KAZN: variants seen among roughly 807,000 people sequenced by gnomAD.
The protein encoded by KAZN is kazrin.
A neutral mutation model predicts 87.4 loss-of-function variants in KAZN; 40 were observed. That is an observed-to-expected ratio of 0.46 (90% CI 0.36 to 0.60). The LOEUF (loss-of-function observed/expected upper bound fraction) is 0.60. Among genes scored for constraint, KAZN ranks in the 20% least tolerant of loss-of-function variants. The pLI is 0.00. For synonymous variants in KAZN, 466 were observed against 458.3 expected, an observed-to-expected ratio of 1.02 and a Z score of -0.22; for missense variants, 898 against 1,073.9, an observed-to-expected ratio of 0.84 and a Z score of 2.29.
intron 1 of KAZN, among the ~76,000 whole-genome samples, chr1:14,755,344 C>T (rs756751765): frequency 1.2e-4 from 18 of 152,144 alleles, no homozygotes; most frequent in Non-Finnish European, 2.5e-4. Context: ...CCCTTTGCTG[C>T]CCCTGACCCC....
chr1:14,203,994 A>G (rs1271634205), intron 2 of KAZN, among the ~76,000 whole-genome samples: 1 of 152,242 alleles, frequency 6.6e-6, no homozygotes, highest in East Asian at 1.9e-4. Context: ...AGAGTGGAAT[A>G]GAAATCACAT....
At chr1:14,327,813 G>A (rs1214737736) in intron 2 of KAZN, among the ~76,000 whole-genome samples, 1 of 152,186 alleles carries the variant, frequency 6.6e-6, no homozygotes, top group African/African-American at 2.4e-5. Context: ...AAATTCACAG[G>A]TGGCTGAGGG....
intron 2 of KAZN, among the ~76,000 whole-genome samples, chr1:14,289,912 A>G (rs1653548034): frequency 6.6e-6 from 1 of 152,172 alleles, no homozygotes; most frequent in Admixed American, 6.5e-5. Flanking sequence ...TTTGTAAAGC[A>G]TTTTATTTCT....
At chr1:13,960,370 C>T (rs185498318) in intron 1 of KAZN, among the ~76,000 whole-genome samples, 3 of 152,218 alleles carry the variant, frequency 2.0e-5, no homozygotes, top group Non-Finnish European at 1.5e-5. Context: ...ACTTTAGAGC[C>T]GATCGTTTGA....
chr1:14,943,008 GTGTGTGTGTGTGTGTGTGTGTGT>G (rs1661288158), intron 1 of KAZN, among the ~76,000 whole-genome samples: 1 of 62,202 alleles, frequency 1.6e-5, no homozygotes, highest in South Asian at 6.3e-4. Flanking sequence ...TGTGTGTGTG[GTGTGTGTGTGTGTGTGTGTGTGT>G]GTGTGTGTGT....
At chr1:14,539,796 C>A in intron 2 of KAZN, among the ~76,000 whole-genome samples, 1 of 151,836 alleles carries the variant, frequency 6.6e-6, no homozygotes, top group African/African-American at 2.4e-5. Context: ...TGCCTATTTG[C>A]CATCAGAACC....
chr1:14,062,989 A>G (rs1642856189), intron 1 of KAZN, among the ~76,000 whole-genome samples: 1 of 152,164 alleles, frequency 6.6e-6, no homozygotes, highest in South Asian at 2.1e-4. Flanking sequence ...ATGCTTGAAA[A>G]CATGTTTTGT....
chr1:14,932,024 T>C (rs1357077231), intron 1 of KAZN, among the ~76,000 whole-genome samples: 2 of 152,172 alleles, frequency 1.3e-5, no homozygotes, highest in Non-Finnish European at 2.9e-5. Context: ...ATGGAGGCTT[T>C]GGTGGTAGCT....
At chr1:14,711,720 C>A (rs902943121) in intron 1 of KAZN, among the ~76,000 whole-genome samples, 4 of 152,196 alleles carry the variant, frequency 2.6e-5, no homozygotes, top group African/African-American at 9.6e-5. Context: ...GAAGTGAGTT[C>A]TGCCAGCCTT....
intron 1 of KAZN, among the ~76,000 whole-genome samples, chr1:14,668,488 G>T (rs192469311): frequency 9.2e-5 from 14 of 152,264 alleles, no homozygotes; most frequent in South Asian, 4.2e-4. Context: ...TTTCTCGGGA[G>T]TAGCCAGTGG....
intron 2 of KAZN, among the ~76,000 whole-genome samples, chr1:14,535,931 T>C (rs557429640): frequency 1.3e-5 from 2 of 152,322 alleles, no homozygotes; most frequent in South Asian, 4.1e-4. Flanking sequence ...CCAGGGCAAC[T>C]TGTTGAAAAT....
At chr1:15,088,704 C>T (rs960185584) in intron 8 of KAZN, among the ~76,000 whole-genome samples, 1 of 151,442 alleles carries the variant, frequency 6.6e-6, no homozygotes, top group African/African-American at 2.4e-5. Context: ...GTTTATGACC[C>T]CAAGGCCCCC....
chr1:14,419,882 G>A (rs779807500), intron 2 of KAZN, among the ~76,000 whole-genome samples: 3 of 152,158 alleles, frequency 2.0e-5, no homozygotes, highest in Admixed American at 6.5e-5. Flanking sequence ...CACAGACAGT[G>A]AGACCCCAAA....
At chr1:14,950,612 C>T (rs1341136486) in intron 1 of KAZN, among the ~76,000 whole-genome samples, 1 of 152,154 alleles carries the variant, frequency 6.6e-6, no homozygotes, top group Non-Finnish European at 1.5e-5. Flanking sequence ...CTGAGTTTCC[C>T]TGTGGCAGCT....
intron 8 of KAZN, chr1:15,068,169 T>C (rs894122595): frequency 1.2e-6 from 1 of 848,092 alleles, no homozygotes; most frequent in Non-Finnish European, 1.4e-6. Flanking sequence ...TCTATGTTAT[T>C]TGATTGCTTC....
intron 1 of KAZN, among the ~76,000 whole-genome samples, chr1:14,000,208 C>T (rs920070028): frequency 6.6e-6 from 1 of 152,152 alleles, no homozygotes; most frequent in Non-Finnish European, 1.5e-5. Flanking sequence ...ATGACACCAG[C>T]ATCATCCTGA....
chr1:14,010,343 A>G (rs1452498706), intron 1 of KAZN, among the ~76,000 whole-genome samples: 1 of 152,158 alleles, frequency 6.6e-6, no homozygotes, highest in Non-Finnish European at 1.5e-5. Context: ...TGGACTTTTA[A>G]TTTTTCTAGG....
At chr1:15,067,488 C>T in intron 8 of KAZN, 15 of 985,448 alleles carry the variant, frequency 1.5e-5, no homozygotes, top group Non-Finnish European at 1.7e-5. Flanking sequence ...AACTCAATTT[C>T]CTTATTCTTT....
intron 1 of KAZN, among the ~76,000 whole-genome samples, chr1:14,704,138 A>C (rs1379843181): frequency 6.6e-6 from 1 of 152,178 alleles, no homozygotes; most frequent in Admixed American, 6.5e-5. Context: ...CCTGGGATGG[A>C]GTGGAAATAG....
Sources: gnomAD v4.1 joint callset for allele counts (sites outside exome capture counted in the v4.1 genomes callset) on GRCh38, gnomAD v4.1.1 for gene constraint, MANE v1.5 for transcripts, NCBI Gene and HGNC (gene_info 2026-07-23, HGNC 2026-07-21) for gene names.